The following C1orf50 variants were observed in gnomAD, a reference collection of about 807,000 sequenced individuals.
C1orf50 encodes uncharacterized protein C1orf50.
In C1orf50, 22 loss-of-function variants were observed where a neutral mutation model predicts 23.3. That is an observed-to-expected ratio of 0.94 (90% CI 0.67 to 1.35). The LOEUF is 1.35. Ranked by LOEUF, C1orf50 falls within the 40% of genes most tolerant of loss-of-function variation. The pLI is 0.00. For missense variants in C1orf50, 271 were observed against 249.4 expected, an observed-to-expected ratio of 1.09 and a Z score of -0.58; for synonymous variants, 96 against 102.4, an observed-to-expected ratio of 0.94 and a Z score of 0.38.
rs1167756893 is a variant in C1orf50 at position 42,775,554 on chromosome 1, A to G, written c.*160A>G. On this transcript the variant is annotated 3_prime_UTR_variant, in exon 5 of 5. Coordinates refer to ENST00000372525, the MANE Select transcript of C1orf50 (RefSeq NM_024097.4). ...GCTGTCATTATGACTTTTAATTGGG[A>G]TGGGAATAATCATTGAGACAGAGTC... 8.5e-6 allele frequency: 5 copies of G among 586,912 alleles called. No individual in the cohort carries two copies. In the East Asian group the frequency reaches 1.4e-4, roughly 17 times the overall value. The allele number at this position is 586,912 out of a possible 1,614,324, so 36.4% of individuals were successfully genotyped here.
intron 2 of C1orf50, among the ~76,000 whole-genome samples, chr1:42,769,317 G>A (rs971916954): frequency 6.6e-6 from 1 of 152,136 alleles, no homozygotes; most frequent in Admixed American, 6.5e-5. Flanking sequence ...AGGCTAAGGC[G>A]GGAGGATTGC....
intron 3 of C1orf50, among the ~76,000 whole-genome samples, chr1:42,774,354 A>G (rs1347503811): frequency 1.3e-5 from 2 of 151,932 alleles, no homozygotes; most frequent in Non-Finnish European, 2.9e-5. Context: ...CAGCCTCCCA[A>G]GTAGTTGGGA....
In C1orf50 at chr1:42,778,174, C is replaced by G. The variant is rs570421673; in HGVS notation, c.*2780C>G. The G allele has an allele frequency of 6.6e-6, 1 of 152,192 alleles. No homozygotes were observed. Among genetic ancestry groups the G allele is most frequent in the South Asian group, 2.1e-4 (1 of 4,816 alleles). The allele number at this position is 152,192 out of a possible 1,614,324, so 9.4% of individuals were successfully genotyped here. On this transcript the variant is annotated 3_prime_UTR_variant, in exon 5 of 5. Coordinates refer to ENST00000372525, the MANE Select transcript of C1orf50 (RefSeq NM_024097.4). ...ACCCAGTGATTATATACAGTAATCA[C>G]TTTTCATTTACCCATCCATCTGTTC...
intron 2 of C1orf50, chr1:42,773,284 G>A (rs1653261438): frequency 8.3e-6 from 2 of 240,744 alleles, no homozygotes; most frequent in East Asian, 1.0e-4. Flanking sequence ...AACCAAAGAA[G>A]TTCAGTGTAA....
chr1:42,776,200 A>G lies in C1orf50; in HGVS notation c.*806A>G, dbSNP rs1454724158. ...GCAGAACAAACCCATTTAAATGGCT[A>G]CTTAACACTGTGGAAGAGAGTAAGG... On this transcript the variant is annotated 3_prime_UTR_variant, in exon 5 of 5. Coordinates refer to ENST00000372525, the MANE Select transcript of C1orf50 (RefSeq NM_024097.4). The G allele has an allele frequency of 6.6e-6, 1 of 152,214 alleles. No homozygotes were observed. The highest frequency in any genetic ancestry group is 1.5e-5 in the Non-Finnish European group (1 of 68,040). 9.4% of individuals were successfully genotyped at this position (152,214 alleles called of 1,614,324 possible). A position where few individuals can be genotyped will look rare whatever the true frequency, so the allele number is the denominator to read the frequency against.
chr1:42,775,425 A>T lies in C1orf50; in HGVS notation c.*31A>T, dbSNP rs773926708. 5.8e-6 allele frequency: 9 copies of T among 1,539,320 alleles called. No homozygotes were observed. The African/African-American group carries it at 6.8e-5, about 12-fold the overall frequency. On this transcript the variant is annotated 3_prime_UTR_variant, in exon 5 of 5. Transcript: ENST00000372525. Reference sequence around the variant, plus strand: ...GGCTTTGACAAACAGCTCTCACAGGACCTGGCTGTCAACCTCCTTGTTGCC... The same window carrying T: ...GGCTTTGACAAACAGCTCTCACAGGTCCTGGCTGTCAACCTCCTTGTTGCC...
At chr1:42,775,128 G>C in intron 4 of C1orf50, 81 bp from the exon 5 acceptor site, 1 of 1,342,296 alleles carries the variant, frequency 7.4e-7, no homozygotes. Context: ...AGCCAAAAAA[G>C]AGATTGTGGC....
In C1orf50 at chr1:42,774,729, A is replaced by T; in HGVS notation, c.283-8A>T. On this transcript the variant is annotated splice_region_variant and splice_polypyrimidine_tract_variant and intron_variant, in intron 3 of 4. Coordinates refer to ENST00000372525, the MANE Select transcript of C1orf50 (RefSeq NM_024097.4). ...ATACCTAATTTGTTACATATCTGTG[A>T]TTCATAGGTACTGGAAGATGCTCAC... The T allele has an allele frequency of 6.3e-7, 1 of 1,599,016 alleles. No individual in the cohort carries two copies. Among genetic ancestry groups the T allele is most frequent in the Non-Finnish European group, 8.6e-7 (1 of 1,169,092 alleles).
chr1:42,773,969 C>T (rs1653280061), intron 3 of C1orf50, among the ~76,000 whole-genome samples: 1 of 151,540 alleles, frequency 6.6e-6, no homozygotes, highest in African/African-American at 2.4e-5. Flanking sequence ...ATTACAGGTG[C>T]CCGCCACCAC....
rs1194011817 is a variant in C1orf50, at chr1:42,777,965, A to G, written c.*2571A>G. ...ATCTCCCTCACTCTTGACATTTCCT[A>G]ACCTAAAGAGTGGGAGAGTAGTGAT... On this transcript the variant is annotated 3_prime_UTR_variant, in exon 5 of 5. Coordinates refer to ENST00000372525, the MANE Select transcript of C1orf50 (RefSeq NM_024097.4). 1 of 151,958 alleles carries G rather than the reference A, an allele frequency of 6.6e-6. No individual in the cohort carries two copies. Among genetic ancestry groups the G allele is most frequent in the Non-Finnish European group, 1.5e-5 (1 of 68,036 alleles). 9.4% of individuals were successfully genotyped at this position (151,958 alleles called of 1,614,324 possible). A position where few individuals can be genotyped will look rare whatever the true frequency, so the allele number is the denominator to read the frequency against.
Position 42,776,755 on chromosome 1 carries a change from A to G in C1orf50, c.*1361A>G, listed in dbSNP as rs1388986377. The G allele has an allele frequency of 2.6e-5, 4 of 152,240 alleles. No individual in the cohort carries two copies. The allele number at this position is 152,240 out of a possible 1,614,324, so 9.4% of individuals were successfully genotyped here. A position where few individuals can be genotyped will look rare whatever the true frequency, so the allele number is the denominator to read the frequency against. ...GCTCAGGTGCTGCAGAGCCGGATGG[A>G]AGAGACATTAGTGGTAGAGTAGTGG... On this transcript the variant is annotated 3_prime_UTR_variant, in exon 5 of 5. Coordinates refer to ENST00000372525, the MANE Select transcript of C1orf50 (RefSeq NM_024097.4).
Position 42,777,262 on chromosome 1 carries a change from A to AT in C1orf50, c.*1875dup, listed in dbSNP as rs1403330820. 6.6e-6 allele frequency: 1 copy of AT among 152,080 alleles called. No homozygotes were observed. Among genetic ancestry groups the AT allele is most frequent in the African/African-American group, 2.4e-5 (1 of 41,376 alleles). The allele number at this position is 152,080 out of a possible 1,614,324, so 9.4% of individuals were successfully genotyped here. A position where few individuals can be genotyped will look rare whatever the true frequency, so the allele number is the denominator to read the frequency against. On this transcript the variant is annotated 3_prime_UTR_variant, in exon 5 of 5. Transcript: ENST00000372525. ...AGGCGCACGCCACCATGCCCAGCTA[A>AT]TTTTTTTATTTTTAGTAGAGACAGG...
rs1653395024 is a variant in C1orf50, at chr1:42,779,041, T to G, written c.*3647T>G. On this transcript the variant is annotated 3_prime_UTR_variant, in exon 5 of 5. Coordinates refer to ENST00000372525, the MANE Select transcript of C1orf50 (RefSeq NM_024097.4). Reference sequence around the variant, plus strand: ...GACACTTCTAAAAGTCAATGGCATGTCACAGTTTAAGTGGCATTTTTTCTT... The same window carrying G: ...GACACTTCTAAAAGTCAATGGCATGGCACAGTTTAAGTGGCATTTTTTCTT... The G allele has an allele frequency of 7.7e-6, 1 of 129,576 alleles. No homozygotes were observed. The highest frequency in any genetic ancestry group is 2.5e-4 in the East Asian group (1 of 4,026). The allele number at this position is 129,576 out of a possible 1,614,324, so 8.0% of individuals were successfully genotyped here. A position where few individuals can be genotyped will look rare whatever the true frequency, so the allele number is the denominator to read the frequency against.
At position 42,775,534 on chromosome 1, in the gene C1orf50, C is replaced by T; in HGVS notation, c.*140C>T. 1.5e-6 allele frequency: 1 copy of T among 671,284 alleles called. No individual in the cohort carries two copies. Among genetic ancestry groups the T allele is most frequent in the Non-Finnish European group, 2.4e-6 (1 of 417,960 alleles). The allele number at this position is 671,284 out of a possible 1,614,324, so 41.6% of individuals were successfully genotyped here. A position where few individuals can be genotyped will look rare whatever the true frequency, so the allele number is the denominator to read the frequency against. On this transcript the variant is annotated 3_prime_UTR_variant, in exon 5 of 5. Transcript: ENST00000372525. ...GACCCTGTGTGAATGTAAATGCTGT[C>T]ATTATGACTTTTAATTGGGATGGGA...
intron 3 of C1orf50, 89 bp downstream of exon 3, chr1:42,773,738 T>C (rs1653272856): frequency 1.3e-6 from 1 of 787,420 alleles, no homozygotes. Context: ...TGACTTTTTA[T>C]GTCTTTAATA....
intron 2 of C1orf50, among the ~76,000 whole-genome samples, chr1:42,771,184 C>G (rs1363333412): frequency 6.6e-6 from 1 of 152,142 alleles, no homozygotes; most frequent in African/African-American, 2.4e-5. Context: ...GTTATGAGTA[C>G]ATATAATATT....
chr1:42,772,258 T>C (rs1359528684), intron 2 of C1orf50, among the ~76,000 whole-genome samples: 1 of 152,220 alleles, frequency 6.6e-6, no homozygotes, highest in Admixed American at 6.5e-5. Flanking sequence ...GGTTTATACC[T>C]GAACTTTGCC....
At position 42,767,480 on chromosome 1, in the gene C1orf50, C is replaced by T. The variant is rs759757884; in HGVS notation, c.80-29C>T. Reference sequence around the variant, plus strand: ...GCGGGAGGCCGACGGCGGGAGCTCACGGCTTGTGTTCCTGGGTGTGTGTCG... The same window carrying T: ...GCGGGAGGCCGACGGCGGGAGCTCATGGCTTGTGTTCCTGGGTGTGTGTCG... On this transcript the variant is annotated intron_variant, in intron 1 of 4. Coordinates refer to ENST00000372525, the MANE Select transcript of C1orf50 (RefSeq NM_024097.4). The T allele has an allele frequency of 2.4e-5, 37 of 1,556,208 alleles. 1 individual carries two copies. The South Asian group carries it at 3.9e-4, about 16-fold the overall frequency.
In C1orf50 at chr1:42,774,761, G is replaced by C. The variant is rs778029262; in HGVS notation, c.307G>C (p.Ala103Pro). The C allele has an allele frequency of 1.9e-6, 3 of 1,612,346 alleles. No homozygotes were observed. Among genetic ancestry groups the C allele is most frequent in the Non-Finnish European group, 2.5e-6 (3 of 1,178,688 alleles). Residue 103 changes from alanine to proline, a missense_variant, in exon 4 of 5, where the codon GCC (alanine) becomes CCC (proline). Transcript: ENST00000372525. ...RKVLEDAHRD[A>P]NLHHVACNIV... ...GGTACTGGAAGATGCTCACAGAGAT[G>C]CCAACCTGCACCATGTAGCTTGTAA...
Sources: allele counts gnomAD v4.1 joint callset (sites outside exome capture counted in the v4.1 genomes callset), GRCh38; gene constraint gnomAD v4.1.1; transcripts MANE v1.5; gene names NCBI Gene and HGNC (gene_info 2026-07-23, HGNC 2026-07-21).